Variants in ACACA observed in about 807,000 individuals in gnomAD.
The protein encoded by ACACA is acetyl-CoA carboxylase 1.
A neutral mutation model predicts 296.1 loss-of-function variants in ACACA; 103 were observed. The ratio of observed to expected loss-of-function variants is 0.35; its 90% CI spans 0.30 to 0.41. The LOEUF is 0.41. Ranked by LOEUF, ACACA falls within the 10% of genes least tolerant of loss-of-function variation. The pLI, the probability that ACACA is intolerant of heterozygous loss-of-function variation, is 1.00. For synonymous variants in ACACA, 953 were observed against 1,038.6 expected, an observed-to-expected ratio of 0.92 and a Z score of 1.58; for missense variants, 1,554 against 2,989.7, an observed-to-expected ratio of 0.52 and a Z score of 11.20.
intron 25 of ACACA, among the ~76,000 whole-genome samples, chr17:37,226,900 A>C (rs943303244): frequency 8.5e-5 from 13 of 152,218 alleles, no homozygotes; most frequent in Admixed American, 7.9e-4. Context: ...TTTTCATCTC[A>C]TAAACCAAAT....
chr17:37,389,342 C>T (rs1001933226), intron 1 of ACACA: 2 of 1,589,662 alleles, frequency 1.3e-6, no homozygotes, highest in African/African-American at 1.3e-5. Flanking sequence ...TGAATCCAAG[C>T]CTGACTCTCA....
At position 37,319,358 on chromosome 17, in the gene ACACA, A is replaced by T. The variant is rs139131898; in HGVS notation, c.338+10815T>A. Among the ~76,000 whole-genome samples the T allele has an allele frequency of 5.4e-3, 821 of 152,280 alleles. 9 individuals are homozygous for T. Among genetic ancestry groups the T allele is most frequent in the African/African-American group, 0.019 (772 of 41,554 alleles). On this transcript the variant is annotated intron_variant, in intron 3 of 55. Coordinates refer to ENST00000616317, the MANE Select transcript of ACACA (RefSeq NM_198834.3). Reference sequence around the variant, plus strand: ...AAGCAGATTATAAAACAGTGTGTACAGTATGACCTCATTTTAGTAAAAAAA... The same window carrying T: ...AAGCAGATTATAAAACAGTGTGTACTGTATGACCTCATTTTAGTAAAAAAA...
chr17:37,337,104 T>C (rs2048154561), intron 2 of ACACA, among the ~76,000 whole-genome samples: 1 of 152,146 alleles, frequency 6.6e-6, no homozygotes, highest in Non-Finnish European at 1.5e-5. Flanking sequence ...CCAGCATCCA[T>C]TAATCTATGC....
In ACACA at chr17:37,097,996, T is replaced by A. The variant is rs189535320; in HGVS notation, c.6566-12A>T. 22 of 1,614,046 alleles carry A rather than the reference T, an allele frequency of 1.4e-5. No homozygotes were observed. Among genetic ancestry groups the A allele is most frequent in the Non-Finnish European group, 1.9e-5 (22 of 1,180,026 alleles). ...TAGCTCTGGGGTCCCTGCAATTAGA[T>A]AAACATGCCCGTCACACTCTGTAAT... On this transcript the variant is annotated splice_polypyrimidine_tract_variant and intron_variant, in intron 52 of 55. Transcript: ENST00000616317. The surrounding 1 kb of genome is among the most constrained non-coding windows in gnomAD (Gnocchi z 4.8).
chr17:37,303,141 A>G (rs987293149), intron 3 of ACACA, among the ~76,000 whole-genome samples: 2 of 152,194 alleles, frequency 1.3e-5, no homozygotes, highest in Non-Finnish European at 2.9e-5. Flanking sequence ...CATGCCCAGT[A>G]GCAGCCACTC....
At chr17:37,096,850 G>T in intron 54 of ACACA, 146 bp downstream of exon 54, 1 of 952,346 alleles carries the variant, frequency 1.1e-6, no homozygotes, top group Non-Finnish European at 1.7e-6. Context: ...AGGGGGAGTA[G>T]CTGGGGGAGG....
chr17:37,194,899 TCTC>T (rs899331635), intron 35 of ACACA, among the ~76,000 whole-genome samples: 7 of 152,010 alleles, frequency 4.6e-5, no homozygotes, highest in Admixed American at 1.3e-4. Context: ...GGACTGAACT[TCTC>T]CTCAAGTTTT....
chr17:37,215,754 A>G (rs1283951798), intron 29 of ACACA, among the ~76,000 whole-genome samples: 1 of 152,148 alleles, frequency 6.6e-6, no homozygotes, highest in Non-Finnish European at 1.5e-5. Context: ...TAAGTTTCTG[A>G]ATAGGAAAAA....
intron 33 of ACACA, among the ~76,000 whole-genome samples, chr17:37,202,704 TATATATATACAC>T (rs1365588630): frequency 0.072 from 1,489 of 20,776 alleles, 94 homozygotes; most frequent in South Asian, 0.3. Flanking sequence ...TATATATATA[TATATATATACAC>T]ACACACATAT....
chr17:37,244,573 A>G lies in ACACA; in HGVS notation c.2742+15T>C. On this transcript the variant is annotated intron_variant, in intron 21 of 55. Transcript: ENST00000616317. ...CCCATTTGTACATCCCTTCCCCAGG[A>G]GACGTGATACATACCTTGCTGCTAA... 6.2e-7 allele frequency: 1 copy of G among 1,613,792 alleles called. No individual in the cohort carries two copies. Among genetic ancestry groups the G allele is most frequent in the Non-Finnish European group, 8.5e-7 (1 of 1,179,674 alleles).
chr17:37,126,449 T>A (rs1459934563), intron 47 of ACACA, among the ~76,000 whole-genome samples: 1 of 152,214 alleles, frequency 6.6e-6, no homozygotes. Context: ...TAATCTTCCT[T>A]GCACATAGAA....
intron 52 of ACACA, among the ~76,000 whole-genome samples, chr17:37,104,345 G>C (rs2073544086): frequency 6.6e-6 from 1 of 152,150 alleles, no homozygotes; most frequent in Non-Finnish European, 1.5e-5. Context: ...CAAATAAGAA[G>C]AGCTAACACT....
intron 30 of ACACA, among the ~76,000 whole-genome samples, chr17:37,208,376 A>G (rs1407406795): frequency 2.6e-5 from 4 of 152,246 alleles, no homozygotes; most frequent in Non-Finnish European, 4.4e-5. Flanking sequence ...GTCACAGTCT[A>G]TAAAAGGAAC....
At position 37,087,376 on chromosome 17, in the gene ACACA, T is replaced by G. The variant is rs779212295; in HGVS notation, c.7092A>C (p.Ser2364=). ...DSIIHMTQHI[S]PTQRAEVIRI... ...GTATGACTTCTGCTCGCTGAGTGGG[T>G]GATATGTGCTGCGTCATATGGATGA... Residue 2364 remains serine, a synonymous_variant, in exon 56 of 56, where the codon TCA becomes TCC. Transcript: ENST00000616317. The G allele has an allele frequency of 6.2e-7, 1 of 1,613,896 alleles. No homozygotes were observed. Among genetic ancestry groups the G allele is most frequent in the South Asian group, 1.1e-5 (1 of 91,062 alleles).
rs755795682 is a variant in ACACA, at chr17:37,259,459, A to G, written c.1401T>C (p.Asp467=). ...TCAATTCCAGAAAGTAGAAGCTGCC[A>G]TCCTGGCTGTACAGGTATTCCACAG... ...AGTVEYLYSQ[D]GSFYFLELNP... is the part of the protein sequence containing the mutation. Residue 467 remains aspartate (D), a synonymous_variant, in exon 12 of 56, where the codon GAT becomes GAC. Transcript: ENST00000616317. 3 of 1,614,104 alleles carry G rather than the reference A, an allele frequency of 1.9e-6. No individual in the cohort carries two copies. Among genetic ancestry groups the G allele is most frequent in the Admixed American group, 1.7e-5 (1 of 60,008 alleles).
rs10533479 is a variant in ACACA at position 37,316,302 on chromosome 17, TACACACAC to T, written c.338+13863_338+13870del. ...CTACCCTACCAGCTCTACCCTTACA[TACACACAC>T]ACACACACACACACACACACACACC... On this transcript the variant is annotated intron_variant, in intron 3 of 55. Coordinates refer to ENST00000616317, the MANE Select transcript of ACACA (RefSeq NM_198834.3). 5.7e-3 allele frequency among the ~76,000 whole-genome samples: 806 copies of T among 142,586 alleles called. 7 individuals are homozygous for T. Among genetic ancestry groups the T allele is most frequent in the African/African-American group, 0.02 (754 of 38,530 alleles). 93.5% of individuals were successfully genotyped at this position (142,586 alleles called of 152,430 possible).
At chr17:37,357,319 C>G (rs955326273) in intron 1 of ACACA, among the ~76,000 whole-genome samples, 3 of 152,000 alleles carry the variant, frequency 2.0e-5, no homozygotes, top group African/African-American at 7.3e-5. Flanking sequence ...ATGGTGAAAC[C>G]CTGTCTCTAC....
chr17:37,174,189 A>C (rs565525655), intron 41 of ACACA, among the ~76,000 whole-genome samples: 1 of 149,466 alleles, frequency 6.7e-6, no homozygotes, highest in Non-Finnish European at 1.5e-5. Context: ...TTTAATTTAC[A>C]CTACTTTATT....
chr17:37,404,367 A>T (rs1366173164), intron 1 of ACACA, among the ~76,000 whole-genome samples: 1 of 152,156 alleles, frequency 6.6e-6, no homozygotes, highest in East Asian at 1.9e-4. Context: ...GTAAAAGGAC[A>T]ATTTATGCCT....
Sources: allele counts gnomAD v4.1 joint callset (sites outside exome capture counted in the v4.1 genomes callset), GRCh38; gene constraint gnomAD v4.1.1; non-coding constraint Gnocchi (gnomAD v3.1); transcripts MANE v1.5; gene names NCBI Gene and HGNC (gene_info 2026-07-23, HGNC 2026-07-21).